HSPA9: variants seen among roughly 807,000 people sequenced by gnomAD.
HSPA9 encodes the protein stress-70 protein, mitochondrial.
Under a neutral mutation model 81.5 loss-of-function variants are expected in HSPA9, and 28 were observed. That is an observed-to-expected ratio of 0.34 (90% CI 0.25 to 0.47). HSPA9 has a LOEUF of 0.47. Among genes scored for constraint, HSPA9 ranks in the 20% least tolerant of loss-of-function variants. HSPA9 has a pLI of 1.00. For missense variants in HSPA9, 678 were observed against 838.0 expected (o/e 0.81, Z 2.36); for synonymous variants, 293 against 290.4 (o/e 1.01, Z -0.09).
chr5:138,573,639 T>A (rs1391703070), intron 3 of HSPA9, 124 bp downstream of exon 3: 1 of 444,322 alleles, frequency 2.3e-6, no homozygotes, highest in Non-Finnish European at 3.9e-6. Context: ...AGAGACTGTC[T>A]CCAAAAAAAA....
chr5:138,556,460 A>G lies in HSPA9; in HGVS notation c.1954T>C (p.Tyr652His), dbSNP rs1171767981. ...QASLKLFEMA[Y>H]KKMASEREGS... ...CACTTCAGCCCTTGTACCTTTTTGT[A>G]TGCCATTTCGAACAGCTTCAGTGAT... Residue 652 changes from tyrosine to histidine, a missense_variant, in exon 16 of 17, where the codon TAC (tyrosine) becomes CAC (histidine). Physicochemically the swap from Tyr to His is moderately conservative, Grantham distance 83. Transcript: ENST00000297185. 6.2e-7 allele frequency: 1 copy of G among 1,613,772 alleles called. No homozygotes were observed. The highest frequency in any genetic ancestry group is 1.1e-5 in the South Asian group (1 of 91,076).
intron 4 of HSPA9, among the ~76,000 whole-genome samples, chr5:138,570,318 G>A (rs1380304369): frequency 6.6e-6 from 1 of 152,024 alleles, no homozygotes; most frequent in African/African-American, 2.4e-5. Flanking sequence ...TATTGGGAGG[G>A]GGGAAGAAAA....
At chr5:138,566,068 T>G (rs1255791816) in intron 9 of HSPA9, among the ~76,000 whole-genome samples, 1 of 151,296 alleles carries the variant, frequency 6.6e-6, no homozygotes, top group Non-Finnish European at 1.5e-5. Context: ...ACACCTGTAA[T>G]CCCAGCTACT....
chr5:138,555,464 G>GCTTT lies in HSPA9; in HGVS notation c.*572_*573insAAAG. 2 of 158,922 alleles carry GCTTT rather than the reference G, an allele frequency of 1.3e-5. No individual in the cohort carries two copies. Among genetic ancestry groups the GCTTT allele is most frequent in the East Asian group, 3.7e-4 (2 of 5,472 alleles). The allele number at this position is 158,922 out of a possible 1,614,324, so 9.8% of individuals were successfully genotyped here. ...AAAAGTATGCCTTAGGGAAGTTAAA[G>GCTTT]GTCTAGCCTCATTCCTACCTTGTTT... On this transcript the variant is annotated 3_prime_UTR_variant, in exon 17 of 17. Transcript: ENST00000297185.
Position 138,554,737 on chromosome 5 carries a change from A to C in HSPA9, c.*1300T>G, listed in dbSNP as rs955690682. 6.6e-6 allele frequency: 1 copy of C among 152,224 alleles called. No homozygotes were observed. Among genetic ancestry groups the C allele is most frequent in the Admixed American group, 6.5e-5 (1 of 15,282 alleles). The allele number at this position is 152,224 out of a possible 1,614,324, so 9.4% of individuals were successfully genotyped here. ...ACATTCATCCATGAAACATAAGGGA[A>C]ATGTGCTGGAAGACTTTTGGGAAAT... On this transcript the variant is annotated 3_prime_UTR_variant, in exon 17 of 17. Coordinates refer to ENST00000297185, the MANE Select transcript of HSPA9 (RefSeq NM_004134.7).
intron 8 of HSPA9, 94 bp downstream of exon 8, chr5:138,566,907 G>A (rs755294306): frequency 5.2e-6 from 7 of 1,338,918 alleles, no homozygotes; most frequent in South Asian, 1.2e-5. Flanking sequence ...GAATAAGGGG[G>A]TTGAACTGAA....
Position 138,564,602 on chromosome 5 carries a change from T to A in HSPA9, c.972+2024A>T, listed in dbSNP as rs534413101. 3.4e-3 allele frequency among the ~76,000 whole-genome samples: 516 copies of A among 152,260 alleles called. 5 individuals carry two copies. The highest frequency in any genetic ancestry group is 0.012 in the African/African-American group (484 of 41,528). On this transcript the variant is annotated intron_variant, in intron 9 of 16. Coordinates refer to ENST00000297185, the MANE Select transcript of HSPA9 (RefSeq NM_004134.7). ...GTTTTGTAGAGACGGGGGTTCTCAC[T>A]ATTTTGCCCAGGCTGGTCCCCAATT...
chr5:138,573,617 A>C (rs1209419733), intron 3 of HSPA9, 146 bp downstream of exon 3: 2 of 612,804 alleles, frequency 3.3e-6, no homozygotes, highest in Non-Finnish European at 5.6e-6. Flanking sequence ...ACTGCACTCC[A>C]CCATGGGCTA....
In HSPA9 at chr5:138,574,181, AAG is replaced by A. The variant is rs552372741; in HGVS notation, c.82-57_82-56del. Reference sequence around the variant, plus strand: ...AACCAGTGTGTATCCTGGGAGGAAAAAGAGAAAACTTGGGCTCACTTAGTATA... The same window carrying A: ...AACCAGTGTGTATCCTGGGAGGAAAAAGAAAACTTGGGCTCACTTAGTATA... On this transcript the variant is annotated intron_variant, in intron 1 of 16. Coordinates refer to ENST00000297185, the MANE Select transcript of HSPA9 (RefSeq NM_004134.7). The A allele has an allele frequency of 7.0e-3, 9,268 of 1,323,040 alleles. 65 individuals carry two copies. The highest frequency in any genetic ancestry group is 7.1e-3 in the Non-Finnish European group (6,488 of 915,130). 82.0% of individuals were successfully genotyped at this position (1,323,040 alleles called of 1,614,324 possible). A position where few individuals can be genotyped will look rare whatever the true frequency, so the allele number is the denominator to read the frequency against.
rs760971853 is a variant in HSPA9 at position 138,556,595 on chromosome 5, TA to T, written c.1822-4del. 2 of 1,613,676 alleles carry T rather than the reference TA, an allele frequency of 1.2e-6. No homozygotes were observed. The highest frequency in any genetic ancestry group is 1.7e-6 in the Non-Finnish European group (2 of 1,179,948). On this transcript the variant is annotated splice_polypyrimidine_tract_variant and splice_region_variant and intron_variant, in intron 15 of 16. Coordinates refer to ENST00000297185, the MANE Select transcript of HSPA9 (RefSeq NM_004134.7). ...ATCTCTTCTTTCAGCTTGTTGCACTTAAAAAAAGAAAACAAAAATCCTTACT... is the reference window on the plus strand; with the variant it reads ...ATCTCTTCTTTCAGCTTGTTGCACTTAAAAAAGAAAACAAAAATCCTTACT...
At chr5:138,567,856 T>C in intron 5 of HSPA9, 134 bp from the exon 6 acceptor site, 2 of 725,220 alleles carry the variant, frequency 2.8e-6, no homozygotes, top group South Asian at 1.5e-5. Flanking sequence ...AATATGTCCT[T>C]GCAGGAAACA....
In HSPA9 at chr5:138,567,677, G is replaced by A; in HGVS notation, c.581C>T (p.Pro194Leu). 6.2e-7 allele frequency: 1 copy of A among 1,613,856 alleles called. No homozygotes were observed. Among genetic ancestry groups the A allele is most frequent in the Non-Finnish European group, 8.5e-7 (1 of 1,179,876 alleles). Residue 194 changes from proline to leucine, a missense_variant, in exon 6 of 17, where the codon CCA becomes CTA. By Grantham distance (98) the Pro-to-Leu change is moderately conservative. Around this residue, in one of 4 missense-constraint regions of HSPA9, gnomAD observed 484 missense variants for 647.5 expected, o/e 0.75. Coordinates refer to ENST00000297185, the MANE Select transcript of HSPA9 (RefSeq NM_004134.7). ...TCTCTGCGAGTCATTGAAATAAGCT[G>A]GGACTGTGATCACAGCATTTTTTGC... The part of the protein sequence containing the change: ...HTAKNAVITV[P>L]AYFNDSQRQA...
chr5:138,565,867 C>G lies in HSPA9; in HGVS notation c.972+759G>C, dbSNP rs190627557. ...GGGACCACAGTTGTATAGACTATGA[C>G]CAGCTAATTTTTCAAATTATTAAGT... On this transcript the variant is annotated intron_variant, in intron 9 of 16. Coordinates refer to ENST00000297185, the MANE Select transcript of HSPA9 (RefSeq NM_004134.7). Among the ~76,000 whole-genome samples, 18 of 152,252 alleles carry G rather than the reference C, an allele frequency of 1.2e-4. No individual in the cohort carries two copies. The East Asian group carries it at 2.7e-3, about 23-fold the overall frequency.
Position 138,571,081 on chromosome 5 carries a change from C to T in HSPA9, c.289G>A (p.Gly97Ser). 2 of 1,614,150 alleles carry T rather than the reference C, an allele frequency of 1.2e-6. No individual in the cohort carries two copies. Among genetic ancestry groups the T allele is most frequent in the South Asian group, 1.1e-5 (1 of 91,086 alleles). Residue 97 changes from glycine to serine, a missense_variant, in exon 4 of 17, where the codon GGT becomes AGT. By Grantham distance (56) the Gly-to-Ser change is moderately conservative (BLOSUM62 0). Around this residue, in one of 4 missense-constraint regions of HSPA9, gnomAD observed 484 missense variants for 647.5 expected, o/e 0.75. Transcript: ENST00000297185. The stretch of plus-strand genomic sequence containing the variant: ...GCCGGCATTCCAACAAGTCGCTCAC[C>T]ATCTGCTGTAAAGGCCACAACTGAA... ...TPSVVAFTAD[G>S]ERLVGMPAKR... is the part of the protein sequence containing the mutation.
chr5:138,569,763 C>G (rs1247881801), intron 4 of HSPA9, among the ~76,000 whole-genome samples: 2 of 152,096 alleles, frequency 1.3e-5, no homozygotes, highest in Non-Finnish European at 2.9e-5. Context: ...CCTTGTTGGC[C>G]TAGATGGTCT....
Position 138,556,593 on chromosome 5 carries a change from C to T in HSPA9, c.1822-1G>A. 2 of 1,613,816 alleles carry T rather than the reference C, an allele frequency of 1.2e-6. No homozygotes were observed. The highest frequency in any genetic ancestry group is 2.2e-5 in the East Asian group (1 of 44,880). The stretch of plus-strand genomic sequence containing the variant: ...AAATCTCTTCTTTCAGCTTGTTGCA[C>T]TTAAAAAAAGAAAACAAAAATCCTT... On this transcript the variant is annotated splice_acceptor_variant, in intron 15 of 16. Coordinates refer to ENST00000297185, the MANE Select transcript of HSPA9 (RefSeq NM_004134.7). LOFTEE classifies it high-confidence loss of function.
intron 7 of HSPA9, 21 bp from the exon 8 acceptor site, chr5:138,567,184 A>C (rs1750785990): frequency 6.3e-7 from 1 of 1,590,468 alleles, no homozygotes; most frequent in Non-Finnish European, 8.6e-7. Context: ...TTTGTGAAAA[A>C]AAAAAGAAAA....
At chr5:138,566,577 C>G (rs777139126) in intron 9 of HSPA9, 49 bp downstream of exon 9, 1 of 1,225,294 alleles carries the variant, frequency 8.2e-7, no homozygotes, top group Non-Finnish European at 1.2e-6. Context: ...TTTAAATAAG[C>G]TCCGGCTGAA....
At chr5:138,574,677 C>A in intron 1 of HSPA9, 1 of 163,214 alleles carries the variant, frequency 6.1e-6, no homozygotes. Flanking sequence ...AAGCATTTGT[C>A]TTTTATTTTA....
Sources: allele counts gnomAD v4.1 joint callset (sites outside exome capture counted in the v4.1 genomes callset), GRCh38; gene constraint gnomAD v4.1.1; regional missense constraint gnomAD v4.1.1; transcripts MANE v1.5; gene names NCBI Gene and HGNC (gene_info 2026-07-23, HGNC 2026-07-21).